Variants in CEP63 observed in about 807,000 individuals in gnomAD.
The protein encoded by CEP63 is centrosomal protein 63, also known as centrosomal protein of 63 kDa.
In CEP63, 84 loss-of-function variants were observed where a neutral mutation model predicts 89.1. The observed-to-expected ratio is 0.94, with a 90% confidence interval of 0.79 to 1.13. CEP63 has a LOEUF of 1.13. Among genes scored for constraint, CEP63 ranks in the 50% most tolerant of loss-of-function variants. The pLI, the probability that CEP63 is intolerant of heterozygous loss-of-function variation, is 0.00. For synonymous variants in CEP63, 267 were observed against 272.5 expected, an observed-to-expected ratio of 0.98 and a Z score of 0.20; for missense variants, 838 against 813.3, an observed-to-expected ratio of 1.03 and a Z score of -0.37.
the CEP63 span, among the ~76,000 whole-genome samples, chr3:134,736,052 A>G: frequency 6.6e-6 from 1 of 152,166 alleles, no homozygotes; most frequent in Non-Finnish European, 1.5e-5. Flanking sequence ...GCGAGTAGGA[A>G]AAAATACAAT....
chr3:134,681,996 T>C, the CEP63 span, among the ~76,000 whole-genome samples: 1 of 152,186 alleles, frequency 6.6e-6, no homozygotes, highest in Non-Finnish European at 1.5e-5. Context: ...TCTGAAGAGT[T>C]TGTGCCTCTG....
chr3:134,567,312 A>T (rs1330047426), downstream of CEP63, among the ~76,000 whole-genome samples: 1 of 152,132 alleles, frequency 6.6e-6, no homozygotes, highest in East Asian at 1.9e-4. Flanking sequence ...GGAGGTGAAG[A>T]CTAAAGGGTA....
At chr3:134,634,588 G>C in the CEP63 span, among the ~76,000 whole-genome samples, 2 of 152,168 alleles carry the variant, frequency 1.3e-5, no homozygotes, top group Admixed American at 6.5e-5. Context: ...ATTAGGAAAA[G>C]GCAAGTTAAA....
chr3:134,615,674 AGC>A, the CEP63 span, among the ~76,000 whole-genome samples: 124 of 150,508 alleles, frequency 8.2e-4, no homozygotes, highest in Middle Eastern at 7.0e-3. Context: ...AGGGTGGGGG[AGC>A]TAAGATGTCC....
chr3:134,701,363 C>CACAT, the CEP63 span, among the ~76,000 whole-genome samples: 2 of 15,602 alleles, frequency 1.3e-4, 1 homozygote, highest in Admixed American at 2.0e-3. Flanking sequence ...TGTATATATA[C>CACAT]ATATACACAC....
the CEP63 span, among the ~76,000 whole-genome samples, chr3:134,723,587 A>T: frequency 6.6e-6 from 1 of 152,212 alleles, no homozygotes; most frequent in African/African-American, 2.4e-5. Context: ...GGAAAGACCC[A>T]TTTGAAAGCT....
chr3:134,678,751 C>T, the CEP63 span, among the ~76,000 whole-genome samples: 143,452 of 152,252 alleles, frequency 0.94, 67,619 homozygotes, highest in East Asian at 1. Context: ...GGGACTTGAC[C>T]CATACCCACC....
chr3:134,550,154 A>G lies in CEP63; in HGVS notation c.1274A>G (p.His425Arg), dbSNP rs773385062. The change falls in exon 11 of 15, where the codon CAT (histidine) becomes CGT (arginine). Residue 425 changes from histidine to arginine, a missense_variant. By Grantham distance (29) the His-to-Arg change is conservative. Transcript: ENST00000675561. ...MEISHLTQEL[H>R]QRDITIASTK... ...ATCTCCCATCTAACTCAGGAGTTAC[A>G]TCAGCGAGATATCACTATTGCTTCC... The G allele has an allele frequency of 1.2e-6, 2 of 1,614,058 alleles. No individual in the cohort carries two copies. Among genetic ancestry groups the G allele is most frequent in the Admixed American group, 3.3e-5 (2 of 60,024 alleles).
chr3:134,651,146 G>A, the CEP63 span: 2 of 1,458,560 alleles, frequency 1.4e-6, no homozygotes, highest in East Asian at 2.6e-5. Flanking sequence ...ATTAGGGCCC[G>A]CCTGGGAGGG....
intron 3 of CEP63, among the ~76,000 whole-genome samples, chr3:134,508,183 T>G (rs1424654260): frequency 1.3e-5 from 2 of 152,190 alleles, no homozygotes; most frequent in Non-Finnish European, 2.9e-5. Flanking sequence ...GAGTTTGACT[T>G]GTTAAAAATG....
At chr3:134,745,743 C>A in the CEP63 span, among the ~76,000 whole-genome samples, 1 of 151,134 alleles carries the variant, frequency 6.6e-6, no homozygotes, top group African/African-American at 2.4e-5. Flanking sequence ...TCCAAGTGTT[C>A]TCATTGTTCA....
chr3:134,520,757 AG>A (rs761647968), intron 3 of CEP63, among the ~76,000 whole-genome samples: 36 of 152,198 alleles, frequency 2.4e-4, no homozygotes, highest in Non-Finnish European at 4.6e-4. Context: ...ATTCATGACA[AG>A]ATGACACTGC....
At chr3:134,608,582 C>T in the CEP63 span, 3 of 1,612,974 alleles carry the variant, frequency 1.9e-6, no homozygotes, top group Non-Finnish European at 1.7e-6. Flanking sequence ...CTCAGGCGGG[C>T]TCCTGGAGGA....
chr3:134,606,653 G>A, the CEP63 span, among the ~76,000 whole-genome samples: 1 of 152,198 alleles, frequency 6.6e-6, no homozygotes, highest in Admixed American at 6.5e-5. Context: ...TGGTGAAGGG[G>A]CTAGCCTGTT....
the CEP63 span, among the ~76,000 whole-genome samples, chr3:134,679,212 C>T: frequency 1.4e-4 from 21 of 152,142 alleles, no homozygotes; most frequent in South Asian, 4.1e-4. Flanking sequence ...ATTTAATCTT[C>T]TATATTTTCC....
At chr3:134,736,650 C>T in the CEP63 span, among the ~76,000 whole-genome samples, 3 of 152,084 alleles carry the variant, frequency 2.0e-5, no homozygotes, top group Admixed American at 1.3e-4. Context: ...TATTCAAAAA[C>T]ATTGAAAGGT....
chr3:134,609,268 T>A, the CEP63 span, among the ~76,000 whole-genome samples: 1 of 152,176 alleles, frequency 6.6e-6, no homozygotes, highest in South Asian at 2.1e-4. Flanking sequence ...GGGGACCTTT[T>A]GTGGCTCTCC....
the CEP63 span, among the ~76,000 whole-genome samples, chr3:134,735,494 A>G: frequency 1.3e-5 from 2 of 152,152 alleles, no homozygotes; most frequent in African/African-American, 2.4e-5. Context: ...AAGCCCCGAA[A>G]TGTGAAAAAT....
intron 3 of CEP63, among the ~76,000 whole-genome samples, chr3:134,508,642 T>C (rs1273975795): frequency 6.6e-6 from 1 of 152,226 alleles, no homozygotes; most frequent in Non-Finnish European, 1.5e-5. Context: ...TTTGAACTTA[T>C]TCCTGTGGCT....
Sources: gnomAD v4.1 joint callset for allele counts (sites outside exome capture counted in the v4.1 genomes callset) on GRCh38, gnomAD v4.1.1 for gene constraint, MANE v1.5 for transcripts, NCBI Gene and HGNC (gene_info 2026-07-23, HGNC 2026-07-21) for gene names.